The following TRHDE variants were observed in gnomAD, a reference collection of about 807,000 sequenced individuals.
TRHDE encodes the protein thyrotropin-releasing hormone-degrading ectoenzyme.
A neutral mutation model predicts 125.7 loss-of-function variants in TRHDE; 72 were observed. The ratio of observed to expected loss-of-function variants is 0.57; its 90% confidence interval spans 0.47 to 0.70. TRHDE has a LOEUF of 0.70. Among genes scored for constraint, TRHDE ranks in the 30% least tolerant of loss-of-function variants. The probability of loss-of-function intolerance (pLI) is 0.00; values close to 1 mark genes in which losing one functional copy is unlikely to be tolerated. For synonymous variants in TRHDE, 509 were observed against 509.1 expected (o/e 1.00, Z 0.00); for missense variants, 1,110 against 1,327.1 (o/e 0.84, Z 2.54).
chr12:72,292,359 A>G (rs1460882742), intron 2 of TRHDE, among the ~76,000 whole-genome samples: 1 of 152,164 alleles, frequency 6.6e-6, no homozygotes, highest in Non-Finnish European at 1.5e-5. Context: ...GGAGAAGGAA[A>G]AGTTTTAATT....
At chr12:72,635,449 G>C (rs1873698936) in intron 15 of TRHDE, among the ~76,000 whole-genome samples, 1 of 152,042 alleles carries the variant, frequency 6.6e-6, no homozygotes, top group Admixed American at 6.6e-5. Flanking sequence ...CCATTCTGTA[G>C]GTTGCCTGTT....
chr12:72,493,057 C>T (rs143289809), intron 5 of TRHDE, among the ~76,000 whole-genome samples: 67 of 151,800 alleles, frequency 4.4e-4, no homozygotes, highest in African/African-American at 1.4e-3. Flanking sequence ...TTGCTTCTAA[C>T]GGAGGACCTC....
chr12:72,376,709 G>T (rs1871898058), intron 2 of TRHDE, among the ~76,000 whole-genome samples: 1 of 152,106 alleles, frequency 6.6e-6, no homozygotes, highest in African/African-American at 2.4e-5. Flanking sequence ...TTTAGGCAGA[G>T]ATAATAAAGA....
chr12:72,642,804 C>T (rs1002144037), intron 15 of TRHDE, among the ~76,000 whole-genome samples: 2 of 152,154 alleles, frequency 1.3e-5, no homozygotes, highest in Non-Finnish European at 2.9e-5. Context: ...TCTCACAGGA[C>T]TCATTTGTAC....
intron 2 of TRHDE, among the ~76,000 whole-genome samples, chr12:72,231,240 C>T (rs1878240553): frequency 6.6e-6 from 1 of 152,064 alleles, no homozygotes; most frequent in African/African-American, 2.4e-5. Context: ...GAATGTTTCC[C>T]TAGTCACTGA....
intron 2 of TRHDE, among the ~76,000 whole-genome samples, chr12:72,351,102 C>T (rs1054530199): frequency 1.2e-4 from 18 of 152,050 alleles, no homozygotes; most frequent in Admixed American, 2.0e-4. Flanking sequence ...TAAGCTTCTT[C>T]GGGTTTTACA....
intron 12 of TRHDE, among the ~76,000 whole-genome samples, chr12:72,593,739 C>A (rs1307509836): frequency 6.6e-6 from 1 of 151,448 alleles, no homozygotes; most frequent in Non-Finnish European, 1.5e-5. Context: ...TTGTTCAATT[C>A]CCACCTATAA....
chr12:72,559,452 A>G (rs1425810320), intron 7 of TRHDE, among the ~76,000 whole-genome samples: 1 of 152,216 alleles, frequency 6.6e-6, no homozygotes, highest in African/African-American at 2.4e-5. Flanking sequence ...CCACTATGCT[A>G]TGATACCTCT....
At chr12:72,147,093 T>C (rs187265252) in intron 2 of TRHDE, among the ~76,000 whole-genome samples, 61 of 152,152 alleles carry the variant, frequency 4.0e-4, no homozygotes, top group Non-Finnish European at 2.1e-4. Context: ...GCTCTGGAGC[T>C]TGGGGTTCGG....
intron 12 of TRHDE, among the ~76,000 whole-genome samples, chr12:72,614,083 G>A (rs2136071794): frequency 6.6e-6 from 1 of 151,888 alleles, no homozygotes; most frequent in East Asian, 1.9e-4. Flanking sequence ...GATCTCATGA[G>A]AACTCAGCAT....
chr12:72,459,881 G>A (rs1265553853), intron 3 of TRHDE, among the ~76,000 whole-genome samples: 1 of 152,120 alleles, frequency 6.6e-6, no homozygotes, highest in Non-Finnish European at 1.5e-5. Context: ...GCTTCTCAAT[G>A]TACTGGGATT....
chr12:72,213,124 G>T (rs1877817256), intron 2 of TRHDE, among the ~76,000 whole-genome samples: 1 of 152,076 alleles, frequency 6.6e-6, no homozygotes, highest in African/African-American at 2.4e-5. Context: ...CCATTTCTAT[G>T]AAATGTCCAG....
chr12:72,542,796 A>C (rs1869219127), intron 7 of TRHDE, among the ~76,000 whole-genome samples: 1 of 151,274 alleles, frequency 6.6e-6, no homozygotes, highest in Non-Finnish European at 1.5e-5. Flanking sequence ...ATATACATAG[A>C]TTATTTGTTC....
At chr12:72,612,419 A>G (rs1872664287) in intron 12 of TRHDE, among the ~76,000 whole-genome samples, 1 of 152,196 alleles carries the variant, frequency 6.6e-6, no homozygotes, top group Non-Finnish European at 1.5e-5. Flanking sequence ...AATGGAAGGA[A>G]GGAAGAAAGC....
intron 2 of TRHDE, among the ~76,000 whole-genome samples, chr12:72,362,660 A>C (rs904648277): frequency 1.3e-5 from 2 of 151,176 alleles, no homozygotes; most frequent in African/African-American, 2.4e-5. Flanking sequence ...CTGAATGGTA[A>C]TGCCTAGGTT....
At chr12:72,344,687 GTGGTA>G (rs1565706606) in intron 2 of TRHDE, among the ~76,000 whole-genome samples, 1 of 152,008 alleles carries the variant, frequency 6.6e-6, no homozygotes, top group Non-Finnish European at 1.5e-5. Flanking sequence ...ATTAGAGAGA[GTGGTA>G]TGGGTCCTGG....
At chr12:72,552,412 T>G (rs1592530806) in intron 7 of TRHDE, among the ~76,000 whole-genome samples, 1 of 152,286 alleles carries the variant, frequency 6.6e-6, no homozygotes, top group Non-Finnish European at 1.5e-5. Flanking sequence ...GAAGAGAATG[T>G]AATCAAGAAT....
At chr12:72,576,577 G>A (rs1871005640) in intron 12 of TRHDE, among the ~76,000 whole-genome samples, 2 of 152,014 alleles carry the variant, frequency 1.3e-5, no homozygotes, top group Admixed American at 1.3e-4. Flanking sequence ...TACAGAGATT[G>A]ATTTTTGTAG....
At chr12:72,466,350 C>T (rs548947821) in intron 3 of TRHDE, among the ~76,000 whole-genome samples, 1 of 152,248 alleles carries the variant, frequency 6.6e-6, no homozygotes, top group East Asian at 1.9e-4. Flanking sequence ...CGACCGACTA[C>T]TCTTGGCTTC....
Sources: gnomAD v4.1 joint callset for allele counts (sites outside exome capture counted in the v4.1 genomes callset) on GRCh38, gnomAD v4.1.1 for gene constraint, MANE v1.5 for transcripts, NCBI Gene and HGNC (gene_info 2026-07-23, HGNC 2026-07-21) for gene names.